CPO: variants seen among roughly 807,000 people sequenced by gnomAD.
CPO encodes the protein carboxypeptidase O, also known as metallocarboxypeptidase C.
CPO carries 43 observed loss-of-function variants against 41.2 expected under a neutral mutation model. The ratio of observed to expected loss-of-function variants is 1.04; its 90% CI spans 0.82 to 1.35. The LOEUF (loss-of-function observed/expected upper bound fraction) is 1.35. CPO is among the 40% of genes most tolerant of loss of function. CPO has a pLI of 0.00. For missense variants in CPO, 408 were observed against 451.7 expected, an observed-to-expected ratio of 0.90 and a Z score of 0.88; for synonymous variants, 178 against 162.7, an observed-to-expected ratio of 1.09 and a Z score of -0.72.
chr2:206,943,558 T>C (rs1486380991), intron 1 of CPO, among the ~76,000 whole-genome samples: 1 of 151,700 alleles, frequency 6.6e-6, no homozygotes, highest in Non-Finnish European at 1.5e-5. Context: ...CCTTATTTTC[T>C]AGGATGTCAT....
intron 7 of CPO, among the ~76,000 whole-genome samples, chr2:206,967,378 G>A (rs1289117448): frequency 1.3e-5 from 2 of 149,442 alleles, no homozygotes; most frequent in Non-Finnish European, 3.0e-5. Context: ...TATAGATATA[G>A]ATATAGATAA....
intron 7 of CPO, among the ~76,000 whole-genome samples, chr2:206,964,539 T>G (rs1693537676): frequency 6.6e-6 from 1 of 152,188 alleles, no homozygotes; most frequent in Non-Finnish European, 1.5e-5. Context: ...GCCACATTCA[T>G]CATCCCACTA....
intron 2 of CPO, among the ~76,000 whole-genome samples, chr2:206,951,906 T>C (rs1327658681): frequency 6.6e-6 from 1 of 152,250 alleles, no homozygotes; most frequent in East Asian, 1.9e-4. Flanking sequence ...ATAAGGCATC[T>C]GCATCTCACC....
chr2:206,946,256 AC>A (rs1693143290), intron 1 of CPO, among the ~76,000 whole-genome samples: 1 of 152,198 alleles, frequency 6.6e-6, no homozygotes, highest in Non-Finnish European at 1.5e-5. Context: ...ATCAAATTCA[AC>A]AATGTATAAA....
At position 206,939,671 on chromosome 2, in the gene CPO, A is replaced by G. The variant is rs1455299948; in HGVS notation, c.68+4A>G. On this transcript the variant is annotated splice_donor_region_variant and intron_variant, in intron 1 of 8. Coordinates refer to ENST00000272852, the MANE Select transcript of CPO (RefSeq NM_173077.3). ...CTGGAGGGCTGGGATATGATAGGTG[A>G]GTGTAAAGTGGGAAGAGGAACTGAT... 1 of 1,608,814 alleles carries G rather than the reference A, an allele frequency of 6.2e-7. No homozygotes were observed. The highest frequency in any genetic ancestry group is 1.7e-5 in the Admixed American group (1 of 59,856).
intron 2 of CPO, 29 bp downstream of exon 2, chr2:206,949,742 G>A (rs779341055): frequency 2.7e-6 from 4 of 1,455,028 alleles, no homozygotes; most frequent in Non-Finnish European, 3.9e-6. Flanking sequence ...CAGGAGGTTG[G>A]TGGTTGTCAC....
rs749390060 is a variant in CPO at position 206,969,349 on chromosome 2, G to A, written c.1038G>A (p.Ala346=). The A allele has an allele frequency of 2.3e-5, 37 of 1,613,884 alleles. No homozygotes were observed. The highest frequency in any genetic ancestry group is 2.4e-5 in the Non-Finnish European group (28 of 1,179,986). The change falls in exon 9 of 9, where the codon GCG becomes GCA. Residue 346 remains alanine, a synonymous_variant. Transcript: ENST00000272852. ...TGTCAGTCCTGGATGATGTGTATGC[G>A]AAACACTGGCACTCGGACAGTGCTG... The part of the protein sequence containing the change: ...AVLSVLDDVY[A]KHWHSDSAGR...
intron 2 of CPO, among the ~76,000 whole-genome samples, chr2:206,952,049 G>A (rs1456500831): frequency 6.6e-6 from 1 of 151,908 alleles, no homozygotes; most frequent in East Asian, 1.9e-4. Context: ...TCTATACCTA[G>A]CCCATGCTAA....
In CPO at chr2:206,962,619, G is replaced by A. The variant is rs758216012; in HGVS notation, c.777+5G>A. 1 of 1,611,520 alleles carries A rather than the reference G, an allele frequency of 6.2e-7. No homozygotes were observed. Among genetic ancestry groups the A allele is most frequent in the African/African-American group, 1.3e-5 (1 of 74,850 alleles). ...TCAAGTAACCACCCAGAAATGGTGA[G>A]TCCATAGCACCAAGGCCTCCAGAAA... On this transcript the variant is annotated splice_donor_5th_base_variant and intron_variant, in intron 7 of 8. Transcript: ENST00000272852.
rs753097002 is a variant in CPO at position 206,939,653 on chromosome 2, G to A, written c.54G>A (p.Gly18=). Residue 18 remains glycine, a synonymous_variant, in exon 1 of 9, where the codon GGG becomes GGA. Transcript: ENST00000272852. ...LYLLGMLVPG[G]LGYDRSLAQH... ...TTTTGGGGATGCTGGTTCCTGGAGG[G>A]CTGGGATATGATAGGTGAGTGTAAA... is the stretch of plus-strand genomic sequence containing the variant. 32 of 1,610,852 alleles carry A rather than the reference G, an allele frequency of 2.0e-5. 1 individual carries two copies. The South Asian group carries it at 3.5e-4, about 18-fold the overall frequency.
chr2:206,948,893 T>C (rs532818040), intron 1 of CPO, among the ~76,000 whole-genome samples: 1 of 152,314 alleles, frequency 6.6e-6, no homozygotes, highest in South Asian at 2.1e-4. Context: ...TAATGATGTA[T>C]CAAAGTTCAT....
At position 206,953,598 on chromosome 2, in the gene CPO, G is replaced by A. The variant is rs149053510; in HGVS notation, c.166-1865G>A. On this transcript the variant is annotated intron_variant, in intron 2 of 8. Coordinates refer to ENST00000272852, the MANE Select transcript of CPO (RefSeq NM_173077.3). ...CATAGGCTGGCATTGAGTGTCTGCA[G>A]TTCTTCCAGGTGCACAGTGCAAGCT... is the stretch of plus-strand genomic sequence containing the variant. Among the ~76,000 whole-genome samples the A allele has an allele frequency of 6.8e-3, 1,041 of 152,338 alleles. 17 individuals are homozygous for A. Among genetic ancestry groups the A allele is most frequent in the African/African-American group, 0.024 (991 of 41,588 alleles).
At chr2:206,959,268 C>A (rs998732027) in intron 4 of CPO, among the ~76,000 whole-genome samples, 2 of 152,130 alleles carry the variant, frequency 1.3e-5, no homozygotes, top group African/African-American at 4.8e-5. Context: ...AAGAGTAGTT[C>A]TCGGAGTGTT....
intron 2 of CPO, among the ~76,000 whole-genome samples, chr2:206,954,282 G>A (rs928313351): frequency 1.3e-5 from 2 of 151,956 alleles, no homozygotes; most frequent in Non-Finnish European, 2.9e-5. Flanking sequence ...CTGTCCCCTC[G>A]TGAATGCTTT....
rs1693411832 is a variant in CPO at position 206,958,349 on chromosome 2, G to A, written c.316G>A (p.Gly106Arg). 1 of 1,602,216 alleles carries A rather than the reference G, an allele frequency of 6.2e-7. No individual in the cohort carries two copies. Among genetic ancestry groups the A allele is most frequent in the South Asian group, 1.1e-5 (1 of 88,658 alleles). The change falls in exon 4 of 9, where the codon GGA (glycine) becomes AGA (arginine). Residue 106 changes from glycine to arginine, a missense_variant. Coordinates refer to ENST00000272852, the MANE Select transcript of CPO (RefSeq NM_173077.3). The stretch of plus-strand genomic sequence containing the variant: ...CAAGAAAATCATTTGGATGGACTGT[G>A]GAATTCACGCCAGAGAATGGATTGC... ...NPKKIIWMDC[G>R]IHAREWIAPA...
intron 7 of CPO, among the ~76,000 whole-genome samples, chr2:206,965,986 T>A (rs939739938): frequency 3.9e-5 from 6 of 152,106 alleles, no homozygotes; most frequent in Admixed American, 3.9e-4. Context: ...ATGCCCAAAT[T>A]GCTAAGCTGA....
rs533222193 is a variant in CPO at position 206,961,360 on chromosome 2, G to A, written c.574+418G>A. 3.9e-4 allele frequency among the ~76,000 whole-genome samples: 59 copies of A among 152,248 alleles called. 1 individual carries two copies. Among genetic ancestry groups the A allele is most frequent in the African/African-American group, 1.4e-3 (58 of 41,558 alleles). On this transcript the variant is annotated intron_variant, in intron 6 of 8. Transcript: ENST00000272852. Reference sequence around the variant, plus strand: ...ATGTTTCCAAATCTCAATATGCCCAGTGAATTGGAAGCAAATAAAGAAGGA... The same window carrying A: ...ATGTTTCCAAATCTCAATATGCCCAATGAATTGGAAGCAAATAAAGAAGGA...
At chr2:206,949,818 T>C (rs1693217298) in intron 2 of CPO, 105 bp downstream of exon 2, 2 of 668,788 alleles carry the variant, frequency 3.0e-6, no homozygotes, top group East Asian at 2.8e-5. Context: ...AGGCTGAAAA[T>C]GTGGTGTTAA....
rs143132020 is a variant in CPO, at chr2:206,962,443, A to G, written c.606A>G (p.Gln202=). ...GTGCCTCTAGAAACTGCCAAGATCA[A>G]ACATTCTGTGGGACAGGGCCAGTGT... ...SIGASRNCQD[Q]TFCGTGPVSE... The change falls in exon 7 of 9, where the codon CAA becomes CAG. Residue 202 remains glutamine, a synonymous_variant. Coordinates refer to ENST00000272852, the MANE Select transcript of CPO (RefSeq NM_173077.3). 4.0e-5 allele frequency: 64 copies of G among 1,614,048 alleles called. No homozygotes were observed. The Middle Eastern group carries it at 4.9e-4, about 12-fold the overall frequency.
Sources: allele counts gnomAD v4.1 joint callset (sites outside exome capture counted in the v4.1 genomes callset), GRCh38; gene constraint gnomAD v4.1.1; transcripts MANE v1.5; gene names NCBI Gene and HGNC (gene_info 2026-07-23, HGNC 2026-07-21).